Variants in EXD2 observed in about 807,000 individuals in gnomAD.
EXD2 encodes the protein exonuclease 3'-5' domain containing 2, also known as exonuclease 3'-5' domain-containing protein 2.
EXD2 carries 40 observed loss-of-function variants against 62.5 expected under a neutral mutation model. That is an observed-to-expected ratio of 0.64 (90% CI 0.50 to 0.83). EXD2 has a LOEUF of 0.83. EXD2 is among the 40% of genes least tolerant of loss of function. The pLI is 0.00. For missense variants in EXD2, 671 were observed against 761.8 expected (o/e 0.88, Z 1.40); for synonymous variants, 239 against 291.9 (o/e 0.82, Z 1.85).
intron 8 of EXD2, 41 bp from the exon 9 acceptor site, chr14:69,237,534 A>C (rs113473721): frequency 1.3e-6 from 2 of 1,591,244 alleles, no homozygotes; most frequent in African/African-American, 1.3e-5. Context: ...GTGCTCTGTC[A>C]TACACTTATG....
intron 3 of EXD2, among the ~76,000 whole-genome samples, chr14:69,226,765 C>A (rs1036506467): frequency 7.8e-6 from 1 of 127,712 alleles, no homozygotes; most frequent in Admixed American, 8.9e-5. Flanking sequence ...AGGGCCAGAG[C>A]CCTCCCAGTT....
chr14:69,199,299 G>A (rs1370891746), intron 1 of EXD2, among the ~76,000 whole-genome samples: 3 of 152,172 alleles, frequency 2.0e-5, no homozygotes, highest in Non-Finnish European at 4.4e-5. Context: ...CATGGAGCTT[G>A]CAGGACTGGA....
At chr14:69,212,614 T>C (rs914332229) in intron 3 of EXD2, among the ~76,000 whole-genome samples, 1 of 151,110 alleles carries the variant, frequency 6.6e-6, no homozygotes, top group African/African-American at 2.4e-5. Flanking sequence ...ACTCATGGGC[T>C]AAAATGATCC....
chr14:69,201,683 T>G (rs796377673), intron 1 of EXD2, among the ~76,000 whole-genome samples: 48 of 133,664 alleles, frequency 3.6e-4, no homozygotes, highest in African/African-American at 1.1e-3. Flanking sequence ...TTTTTTTTTT[T>G]TTTTTTTTTT....
At chr14:69,203,531 T>C (rs1256235449) in intron 1 of EXD2, among the ~76,000 whole-genome samples, 1 of 152,118 alleles carries the variant, frequency 6.6e-6, no homozygotes, top group Non-Finnish European at 1.5e-5. Context: ...TTAACAGGCT[T>C]TAAGGAGGGA....
At chr14:69,197,717 C>T (rs1321693322) in intron 1 of EXD2, among the ~76,000 whole-genome samples, 3 of 152,118 alleles carry the variant, frequency 2.0e-5, no homozygotes, top group African/African-American at 4.8e-5. Context: ...TCACTCAGGT[C>T]GTGGCCTCCA....
intron 2 of EXD2, among the ~76,000 whole-genome samples, chr14:69,206,042 T>A (rs1594736188): frequency 6.6e-6 from 1 of 152,152 alleles, no homozygotes; most frequent in Middle Eastern, 3.4e-3. Flanking sequence ...CCTCAGCCTC[T>A]GGAGTAGCTG....
In EXD2 at chr14:69,222,782, C is replaced by T. The variant is rs572004050; in HGVS notation, c.334-6034C>T. ...CATGTTTTCTTTAAACATAAGGCCT[C>T]TAGGGTCTATCTTTCATTTTTGTAG... On this transcript the variant is annotated intron_variant, in intron 3 of 9. Coordinates refer to ENST00000685843, the MANE Select transcript of EXD2 (RefSeq NM_001193360.2). 3.9e-5 allele frequency among the ~76,000 whole-genome samples: 6 copies of T among 152,216 alleles called. No homozygotes were observed. The East Asian group carries it at 9.6e-4, about 24-fold the overall frequency.
At position 69,203,957 on chromosome 14, in the gene EXD2, GAGGCTTAGAGA is replaced by G. The variant is rs2042497365; in HGVS notation, c.-88_-78del. 1 of 152,234 alleles carries G rather than the reference GAGGCTTAGAGA, an allele frequency of 6.6e-6. No homozygotes were observed. The highest frequency in any genetic ancestry group is 1.5e-5 in the Non-Finnish European group (1 of 68,048). The allele number at this position is 152,234 out of a possible 1,614,324, so 9.4% of individuals were successfully genotyped here. A position where few individuals can be genotyped will look rare whatever the true frequency, so the allele number is the denominator to read the frequency against. ...TTCCTGTTTCGCAGATGAGGAAACT[GAGGCTTAGAGA>G]AGTTTGGCAAATTGGCTAAGTTCCT... On this transcript the variant is annotated 5_prime_UTR_variant, in exon 2 of 10. It removes the in-frame stop codon of an upstream open reading frame in the 5' UTR. Coordinates refer to ENST00000685843, the MANE Select transcript of EXD2 (RefSeq NM_001193360.2).
intron 5 of EXD2, among the ~76,000 whole-genome samples, chr14:69,233,466 G>A (rs928028676): frequency 2.6e-5 from 4 of 151,308 alleles, no homozygotes; most frequent in East Asian, 1.9e-4. Context: ...CCACTCTGTC[G>A]CTCAGGCTGG....
intron 5 of EXD2, among the ~76,000 whole-genome samples, chr14:69,231,909 T>TAAA (rs747438242): frequency 8.2e-5 from 5 of 60,608 alleles, no homozygotes; most frequent in African/African-American, 1.2e-4. Flanking sequence ...GCATGAGCAG[T>TAAA]AAAAAAAAAA....
At chr14:69,199,532 A>G (rs2042317623) in intron 1 of EXD2, among the ~76,000 whole-genome samples, 1 of 152,210 alleles carries the variant, frequency 6.6e-6, no homozygotes, top group Non-Finnish European at 1.5e-5. Context: ...CACTCAGCTT[A>G]AGACACAAAT....
intron 1 of EXD2, among the ~76,000 whole-genome samples, chr14:69,198,217 A>G (rs2042273784): frequency 6.6e-6 from 1 of 152,240 alleles, no homozygotes; most frequent in Non-Finnish European, 1.5e-5. Context: ...TATTGATTTT[A>G]TACTCATCAG....
chr14:69,202,947 G>A (rs1278986843), intron 1 of EXD2, among the ~76,000 whole-genome samples: 4 of 152,208 alleles, frequency 2.6e-5, no homozygotes, highest in African/African-American at 9.7e-5. Context: ...ACCCAACAAT[G>A]AGATTCTGTT....
chr14:69,195,156 G>T lies in EXD2; in HGVS notation c.-132+3565G>T, dbSNP rs997741576. ...CACTTGAACCCAGAAGGCAGAGGTT[G>T]CAGTGAGCTGAAATTGCACCACTGC... On this transcript the variant is annotated intron_variant, in intron 1 of 9. Coordinates refer to ENST00000685843, the MANE Select transcript of EXD2 (RefSeq NM_001193360.2). Among the ~76,000 whole-genome samples the T allele has an allele frequency of 7.2e-5, 11 of 151,998 alleles. 1 individual carries two copies. Among genetic ancestry groups the T allele is most frequent in the East Asian group, 5.8e-4 (3 of 5,184 alleles).
At position 69,192,295 on chromosome 14, in the gene EXD2, A is replaced by G. The variant is rs115680143; in HGVS notation, c.-132+704A>G. Among the ~76,000 whole-genome samples, 807 of 152,288 alleles carry G rather than the reference A, an allele frequency of 5.3e-3. 7 individuals carry two copies. The highest frequency in any genetic ancestry group is 0.018 in the African/African-American group (767 of 41,544). ...CTCAAAAACACAAAATTGAAATTAT[A>G]CTTTATTTTCTTAGTTCTGTTCCAA... On this transcript the variant is annotated intron_variant, in intron 1 of 9. Coordinates refer to ENST00000685843, the MANE Select transcript of EXD2 (RefSeq NM_001193360.2).
intron 3 of EXD2, among the ~76,000 whole-genome samples, chr14:69,212,848 A>G (rs972025478): frequency 6.6e-6 from 1 of 150,998 alleles, no homozygotes; most frequent in Admixed American, 6.6e-5. Context: ...AGCTGGAACT[A>G]CAGGTGTGCG....
chr14:69,222,188 G>A (rs1369928068), intron 3 of EXD2, among the ~76,000 whole-genome samples: 1 of 150,706 alleles, frequency 6.6e-6, no homozygotes, highest in Non-Finnish European at 1.5e-5. Flanking sequence ...TTTCATTCCT[G>A]ACTTTGCTTA....
intron 1 of EXD2, among the ~76,000 whole-genome samples, chr14:69,192,942 G>A (rs4902699): frequency 0.68 from 103,969 of 152,116 alleles, 36,210 homozygotes; most frequent in East Asian, 1. Context: ...GAGCCCATGT[G>A]AGAGCATTTC....
Sources: gnomAD v4.1 joint callset for allele counts (sites outside exome capture counted in the v4.1 genomes callset) on GRCh38, gnomAD v4.1.1 for gene constraint, MANE v1.5 for transcripts, NCBI Gene and HGNC (gene_info 2026-07-23, HGNC 2026-07-21) for gene names.